Variants in REPS1 observed in about 807,000 individuals in gnomAD.
REPS1 encodes RALBP1 associated Eps domain containing 1, also known as ralBP1-associated Eps domain-containing protein 1.
REPS1 carries 39 observed loss-of-function variants against 100.9 expected under a neutral mutation model. The ratio of observed to expected loss-of-function variants is 0.39; its 90% confidence interval spans 0.30 to 0.50. The LOEUF (loss-of-function observed/expected upper bound fraction) is 0.50. Ranked by LOEUF, REPS1 falls within the 20% of genes least tolerant of loss-of-function variation. The pLI, the probability that REPS1 is intolerant of heterozygous loss-of-function variation, is 0.86. For missense variants in REPS1, 821 were observed against 968.5 expected, an observed-to-expected ratio of 0.85 and a Z score of 2.02; for synonymous variants, 324 against 340.3, an observed-to-expected ratio of 0.95 and a Z score of 0.53.
intron 16 of REPS1, chr6:138,912,555 GATAT>G: frequency 1.7e-6 from 1 of 573,244 alleles, no homozygotes. Context: ...CTTTGCATGT[GATAT>G]CAATCCCCCA....
At chr6:138,967,603 A>T (rs2128497891) in intron 1 of REPS1, among the ~76,000 whole-genome samples, 1 of 152,234 alleles carries the variant, frequency 6.6e-6, no homozygotes, top group Non-Finnish European at 1.5e-5. Flanking sequence ...TTTCCTGAAG[A>T]CTTTCTTATT....
Position 138,964,026 on chromosome 6 carries a change from T to C in REPS1, c.154-16113A>G, listed in dbSNP as rs193016414. Among the ~76,000 whole-genome samples the C allele has an allele frequency of 1.7e-4, 26 of 152,330 alleles. 1 individual carries two copies. Among genetic ancestry groups the C allele is most frequent in the African/African-American group, 5.1e-4 (21 of 41,576 alleles). On this transcript the variant is annotated intron_variant, in intron 1 of 19. Coordinates refer to ENST00000450536, the MANE Select transcript of REPS1 (RefSeq NM_001286611.2). The stretch of plus-strand genomic sequence containing the variant: ...ACCCTTTTGAGATACTTATCAGTTA[T>C]ATTAGAGCAAATAGCTCATCTCACT...
At chr6:138,968,150 A>C (rs1784119926) in intron 1 of REPS1, among the ~76,000 whole-genome samples, 1 of 152,218 alleles carries the variant, frequency 6.6e-6, no homozygotes, top group Non-Finnish European at 1.5e-5. Flanking sequence ...CACCACTGTA[A>C]ATGTGAAAAA....
intron 8 of REPS1, among the ~76,000 whole-genome samples, chr6:138,934,692 C>T (rs1002199382): frequency 6.6e-6 from 1 of 152,156 alleles, no homozygotes; most frequent in Admixed American, 6.5e-5. Flanking sequence ...TGACTGCTGG[C>T]TGTTATTAAT....
At chr6:138,980,693 G>C (rs1049540777) in intron 1 of REPS1, among the ~76,000 whole-genome samples, 1 of 136,588 alleles carries the variant, frequency 7.3e-6, no homozygotes, top group African/African-American at 2.7e-5. Context: ...GGCGGGGGGG[G>C]GGGGGAACGG....
At chr6:138,926,080 C>A (rs554159699) in intron 10 of REPS1, among the ~76,000 whole-genome samples, 4 of 152,254 alleles carry the variant, frequency 2.6e-5, no homozygotes, top group Non-Finnish European at 2.9e-5. Context: ...AGAGTCACTA[C>A]ACTGAAATAA....
rs1779740679 is a variant in REPS1, at chr6:138,907,541, T to C, written c.2276A>G (p.Asn759Ser). The change falls in exon 19 of 20, where the codon AAC (asparagine) becomes AGC (serine). Residue 759 changes from asparagine to serine, a missense_variant. Physicochemically the swap from Asn to Ser is conservative, Grantham distance 46 (BLOSUM62 1). This residue lies in a region of REPS1 where 757 missense variants were observed against 866.4 expected (regional missense o/e 0.87). Coordinates refer to ENST00000450536, the MANE Select transcript of REPS1 (RefSeq NM_001286611.2). The part of the protein sequence containing the change: ...QASIRRNKET[N>S]TVLARLNSEL... ...GCTATTCAATCTGGCCAAAACGGTGTTGGTTTCCTTATTACGTCTAATTGA... is the reference window on the plus strand; with the variant it reads ...GCTATTCAATCTGGCCAAAACGGTGCTGGTTTCCTTATTACGTCTAATTGA... The C allele has an allele frequency of 5.0e-6, 8 of 1,613,824 alleles. No homozygotes were observed. Among genetic ancestry groups the C allele is most frequent in the Non-Finnish European group, 5.9e-6 (7 of 1,179,808 alleles).
rs373049732 is a variant in REPS1, at chr6:138,930,042, G to A, written c.1192C>T (p.Pro398Ser). ...GYSGSPAEAP[P>S]SKSPSMPSLN... is the part of the protein sequence containing the mutation. The stretch of plus-strand genomic sequence containing the variant: ...GATGGCATCGATGGTGACTTGCTTG[G>A]AGGAGCTTCAGCAGGAGAGCCTGAA... The change falls in exon 9 of 20, where the codon CCA becomes TCA. Residue 398 changes from proline (P) to serine (S), a missense_variant. Pro to Ser is a moderately conservative substitution (Grantham distance 74). Around this residue, in one of 3 missense-constraint regions of REPS1, gnomAD observed 757 missense variants for 866.4 expected, o/e 0.87. Transcript: ENST00000450536. 2.2e-4 allele frequency: 355 copies of A among 1,613,656 alleles called. 3 individuals carry two copies. The South Asian group carries it at 3.2e-3, about 15-fold the overall frequency.
intron 1 of REPS1, among the ~76,000 whole-genome samples, chr6:138,971,931 T>C (rs1027189961): frequency 3.3e-5 from 5 of 152,206 alleles, no homozygotes; most frequent in African/African-American, 1.2e-4. Flanking sequence ...CCTAAAAAGC[T>C]GCCGATGTTT....
intron 8 of REPS1, among the ~76,000 whole-genome samples, chr6:138,935,117 C>T (rs1781722994): frequency 6.6e-6 from 1 of 152,150 alleles, no homozygotes; most frequent in Admixed American, 6.5e-5. Flanking sequence ...AAAATGGAAA[C>T]TTAGTAAGCA....
At chr6:138,921,976 A>AGT (rs71895504) in intron 10 of REPS1, among the ~76,000 whole-genome samples, 5,302 of 148,566 alleles carry the variant, frequency 0.036, 122 homozygotes, top group Non-Finnish European at 0.043. Context: ...CATCTCAAAA[A>AGT]GTGTGTGTGT....
rs1396644181 is a variant in REPS1, at chr6:138,988,047, C to T, written c.-365G>A. ...GCCCCCGCCGCGGGTTCGAGTCTCC[C>T]CGGCTCCCTGCCGATTCCCCCAGAC... On this transcript the variant is annotated 5_prime_UTR_variant, in exon 1 of 20. Coordinates refer to ENST00000450536, the MANE Select transcript of REPS1 (RefSeq NM_001286611.2). 1 of 397,602 alleles carries T rather than the reference C, an allele frequency of 2.5e-6. No homozygotes were observed. The highest frequency in any genetic ancestry group is 4.4e-6 in the Non-Finnish European group (1 of 225,532). 24.6% of individuals were successfully genotyped at this position (397,602 alleles called of 1,614,324 possible).
At chr6:138,958,039 A>G (rs890437113) in intron 1 of REPS1, among the ~76,000 whole-genome samples, 2 of 152,226 alleles carry the variant, frequency 1.3e-5, no homozygotes, top group Admixed American at 1.3e-4. Flanking sequence ...TCAACTTAGA[A>G]AAGTGTTAAC....
intron 10 of REPS1, among the ~76,000 whole-genome samples, chr6:138,925,724 A>G (rs1266194188): frequency 6.6e-6 from 1 of 152,176 alleles, no homozygotes; most frequent in Non-Finnish European, 1.5e-5. Context: ...CAGGGAGAAG[A>G]ACGATTAACA....
At chr6:138,914,239 TTTTTG>T (rs139082435) in intron 15 of REPS1, among the ~76,000 whole-genome samples, 1 of 151,684 alleles carries the variant, frequency 6.6e-6, no homozygotes, top group African/African-American at 2.4e-5. Flanking sequence ...CCAGCTAATT[TTTTTG>T]TTTTGTTTTT....
At position 138,945,559 on chromosome 6, in the gene REPS1, A is replaced by G; in HGVS notation, c.416T>C (p.Val139Ala). 1.2e-6 allele frequency: 2 copies of G among 1,611,844 alleles called. No individual in the cohort carries two copies. Among genetic ancestry groups the G allele is most frequent in the South Asian group, 1.1e-5 (1 of 90,644 alleles). Residue 139 changes from valine to alanine, a missense_variant, in exon 3 of 20, where the codon GTG (valine) becomes GCG (alanine). Physicochemically the swap from Val to Ala is moderately conservative, Grantham distance 64. This residue lies in a region of REPS1 where 757 missense variants were observed against 866.4 expected (regional missense o/e 0.87). Transcript: ENST00000450536. ...VIPPPPGRGQ[V>A]KKGSVSHDTV... ...ATCATGGCTTACGGATCCCTTTTTC[A>G]CTTGCCCCCTGCCAGGTGGTGGGGG...
chr6:138,971,445 TAGA>T (rs368048564), intron 1 of REPS1, among the ~76,000 whole-genome samples: 8 of 151,726 alleles, frequency 5.3e-5, no homozygotes, highest in African/African-American at 1.9e-4. Flanking sequence ...TGGAACTCTG[TAGA>T]AGTTTTGCCT....
intron 8 of REPS1, among the ~76,000 whole-genome samples, chr6:138,935,130 C>A (rs897483898): frequency 6.6e-6 from 1 of 152,060 alleles, no homozygotes; most frequent in Non-Finnish European, 1.5e-5. Flanking sequence ...AGTAAGCAGA[C>A]CTTATGAGGG....
chr6:138,910,389 C>G (rs891815359), intron 17 of REPS1, among the ~76,000 whole-genome samples: 11 of 152,200 alleles, frequency 7.2e-5, no homozygotes. Flanking sequence ...GGGTCTCACT[C>G]TGTCACCCAG....
Sources: gnomAD v4.1 joint callset for allele counts (sites outside exome capture counted in the v4.1 genomes callset) on GRCh38, gnomAD v4.1.1 for gene constraint, gnomAD v4.1.1 regional missense constraint, MANE v1.5 for transcripts, NCBI Gene and HGNC (gene_info 2026-07-23, HGNC 2026-07-21) for gene names.